BAZ2B: variants seen among roughly 807,000 people sequenced by gnomAD.
BAZ2B encodes bromodomain adjacent to zinc finger domain 2B.
In BAZ2B, 91 loss-of-function variants were observed where a neutral mutation model predicts 246.0. The ratio of observed to expected loss-of-function variants is 0.37; its 90% CI spans 0.31 to 0.44. BAZ2B has a LOEUF of 0.44. Among genes scored for constraint, BAZ2B ranks in the 20% least tolerant of loss-of-function variants. The pLI is 1.00. For missense variants in BAZ2B, 2,332 were observed against 2,533.7 expected (o/e 0.92, Z 1.71); for synonymous variants, 855 against 860.0 (o/e 0.99, Z 0.10).
At chr2:159,337,807 C>T (rs2148978123) in intron 31 of BAZ2B, 35 bp from the exon 32 acceptor site, 1 of 1,579,412 alleles carries the variant, frequency 6.3e-7, no homozygotes, top group Non-Finnish European at 8.6e-7. Context: ...TTATGGTTTC[C>T]TCTTAAAATG....
intron 36 of BAZ2B, among the ~76,000 whole-genome samples, chr2:159,321,557 T>G (rs568892967): frequency 6.6e-6 from 1 of 152,122 alleles, no homozygotes; most frequent in South Asian, 2.1e-4. Context: ...TTAAACACAA[T>G]GGCGCACCAT....
At chr2:159,654,298 T>A in the BAZ2B span, among the ~76,000 whole-genome samples, 1 of 152,144 alleles carries the variant, frequency 6.6e-6, no homozygotes, top group African/African-American at 2.4e-5. Context: ...ACTCCCAGCA[T>A]GTAACACATA....
chr2:159,348,050 G>A (rs904967719), intron 30 of BAZ2B, among the ~76,000 whole-genome samples: 1 of 152,044 alleles, frequency 6.6e-6, no homozygotes, highest in Non-Finnish European at 1.5e-5. Flanking sequence ...CAGGAGTGGT[G>A]GCTCATGCCC....
intron 1 of BAZ2B, among the ~76,000 whole-genome samples, chr2:159,569,719 G>C (rs2162023): frequency 0.55 from 83,751 of 151,852 alleles, 23,858 homozygotes; most frequent in East Asian, 0.74. Context: ...CAGCACCTTA[G>C]GAGGCTGAGG....
intron 25 of BAZ2B, among the ~76,000 whole-genome samples, chr2:159,378,932 C>T (rs1350382596): frequency 1.3e-5 from 2 of 152,070 alleles, no homozygotes; most frequent in Non-Finnish European, 2.9e-5. Context: ...CTATGGAAAA[C>T]ACTATAAAGG....
At chr2:159,667,848 T>C in the BAZ2B span, among the ~76,000 whole-genome samples, 2 of 152,078 alleles carry the variant, frequency 1.3e-5, no homozygotes, top group African/African-American at 2.4e-5. Context: ...TTTTAAAAAC[T>C]GCATTGTCTA....
At chr2:159,666,171 C>T in the BAZ2B span, among the ~76,000 whole-genome samples, 2 of 150,946 alleles carry the variant, frequency 1.3e-5, no homozygotes, top group Non-Finnish European at 3.0e-5. Flanking sequence ...ACTGCATTTT[C>T]ATTTTATTAA....
chr2:159,614,453 A>G (rs1695422875), intron 1 of BAZ2B, among the ~76,000 whole-genome samples: 1 of 152,176 alleles, frequency 6.6e-6, no homozygotes, highest in African/African-American at 2.4e-5. Context: ...ATGTAAATAA[A>G]TAATAGAAAA....
At chr2:159,648,301 C>A in the BAZ2B span, among the ~76,000 whole-genome samples, 2 of 152,092 alleles carry the variant, frequency 1.3e-5, no homozygotes, top group Non-Finnish European at 2.9e-5. Context: ...CCATGCCCAG[C>A]TAATTTTTGT....
intron 1 of BAZ2B, among the ~76,000 whole-genome samples, chr2:159,611,756 T>A (rs755320185): frequency 6.6e-6 from 1 of 151,992 alleles, no homozygotes; most frequent in Non-Finnish European, 1.5e-5. Context: ...CAATAAATAT[T>A]GGGACTAGAA....
chr2:159,712,093 G>GAAAAAAAAA, the BAZ2B span: 2 of 123,296 alleles, frequency 1.6e-5, no homozygotes, highest in African/African-American at 3.7e-5. Context: ...GCCAGAAAAA[G>GAAAAAAAAA]AAAAAAAAAA....
At chr2:159,550,580 G>GA (rs1279136926) in intron 2 of BAZ2B, among the ~76,000 whole-genome samples, 1 of 151,540 alleles carries the variant, frequency 6.6e-6, no homozygotes, top group African/African-American at 2.4e-5. Context: ...TGATATACCG[G>GA]AAAAAAAATT....
intron 31 of BAZ2B, among the ~76,000 whole-genome samples, chr2:159,345,485 G>A (rs1019775660): frequency 2.0e-5 from 3 of 152,100 alleles, no homozygotes; most frequent in African/African-American, 7.2e-5. Flanking sequence ...AATTTATGAA[G>A]CAAATTCTAC....
the BAZ2B span, among the ~76,000 whole-genome samples, chr2:159,659,237 G>C: frequency 6.6e-6 from 1 of 152,168 alleles, no homozygotes; most frequent in Non-Finnish European, 1.5e-5. Flanking sequence ...GTCAGCCAAC[G>C]GTTGTGGCTC....
chr2:159,334,163 C>A (rs2065235581), intron 33 of BAZ2B, among the ~76,000 whole-genome samples: 1 of 152,110 alleles, frequency 6.6e-6, no homozygotes, highest in Non-Finnish European at 1.5e-5. Context: ...ATAAATGCTA[C>A]AAGATCTGTC....
chr2:159,374,571 C>G (rs1559157902), intron 26 of BAZ2B, 120 bp downstream of exon 26: 1 of 770,572 alleles, frequency 1.3e-6, no homozygotes, highest in African/African-American at 1.8e-5. Flanking sequence ...TCAGAATCTT[C>G]ATTTTTAATT....
intron 2 of BAZ2B, among the ~76,000 whole-genome samples, chr2:159,501,192 AATATATATAT>A (rs1559629699): frequency 2.6e-5 from 2 of 76,676 alleles, no homozygotes; most frequent in African/African-American, 9.5e-5. Flanking sequence ...ATTTATATAT[AATATATATAT>A]TTTTATATAT....
chr2:159,593,926 T>C (rs982617170), intron 1 of BAZ2B, among the ~76,000 whole-genome samples: 1 of 152,204 alleles, frequency 6.6e-6, no homozygotes, highest in Non-Finnish European at 1.5e-5. Context: ...CTGCTTTGTT[T>C]TAGAAATTAG....
chr2:159,628,602 A>G, the BAZ2B span, among the ~76,000 whole-genome samples: 142 of 152,324 alleles, frequency 9.3e-4, no homozygotes, highest in Non-Finnish European at 1.5e-3. Context: ...GGTGTTGGGA[A>G]AACTGGCTAG....
Sources: gnomAD v4.1 joint callset for allele counts (sites outside exome capture counted in the v4.1 genomes callset) on GRCh38, gnomAD v4.1.1 for gene constraint, MANE v1.5 for transcripts, NCBI Gene and HGNC (gene_info 2026-07-23, HGNC 2026-07-21) for gene names.